Variants in HDAC4 observed in about 807,000 individuals in gnomAD.
The protein encoded by HDAC4 is histone deacetylase 4.
HDAC4 carries 16 observed loss-of-function variants against 135.1 expected under a neutral mutation model. The ratio of observed to expected loss-of-function variants is 0.12; its 90% CI spans 0.08 to 0.18. The LOEUF is 0.18. HDAC4 is among the 10% of genes least tolerant of loss of function. The pLI, the probability that HDAC4 is intolerant of heterozygous loss-of-function variation, is 1.00. For synonymous variants in HDAC4, 685 were observed against 653.4 expected, an observed-to-expected ratio of 1.05 and a Z score of -0.74; for missense variants, 1,143 against 1,511.8, an observed-to-expected ratio of 0.76 and a Z score of 4.05.
chr2:239,244,405 G>A (rs1409339343), intron 2 of HDAC4, among the ~76,000 whole-genome samples: 1 of 152,004 alleles, frequency 6.6e-6, no homozygotes, highest in Admixed American at 6.5e-5. Flanking sequence ...GCACCTCCTG[G>A]AGGGCGTGGT....
chr2:239,323,819 G>A (rs528770570), intron 2 of HDAC4, among the ~76,000 whole-genome samples: 8 of 152,186 alleles, frequency 5.3e-5, no homozygotes, highest in Admixed American at 1.3e-4. Flanking sequence ...GGGAAAAAAC[G>A]CTGCCACTCA....
chr2:239,243,355 T>C (rs1416521558), intron 2 of HDAC4, among the ~76,000 whole-genome samples: 1 of 152,130 alleles, frequency 6.6e-6, no homozygotes, highest in Non-Finnish European at 1.5e-5. Flanking sequence ...GGTTTCACCA[T>C]GTTAGCCAGG....
rs570504741 is a variant in HDAC4 at position 239,323,818 on chromosome 2, C to T, written c.22+28860G>A. 5.9e-5 allele frequency among the ~76,000 whole-genome samples: 9 copies of T among 152,260 alleles called. No homozygotes were observed. In the East Asian group the frequency reaches 1.2e-3, roughly 20 times the overall value. The stretch of plus-strand genomic sequence containing the variant: ...CCTGGGGGCCTGCACAGGGAAAAAA[C>T]GCTGCCACTCAAGCAGGCAGAAGCG... On this transcript the variant is annotated intron_variant, in intron 2 of 26. Transcript: ENST00000543185.
At chr2:239,053,220 G>A (rs1415735587) in intron 26 of HDAC4, 84 bp from the exon 27 acceptor site, 7 of 1,546,426 alleles carry the variant, frequency 4.5e-6, no homozygotes, top group African/African-American at 2.7e-5. Flanking sequence ...GTTAAAGGCT[G>A]TGTGCTGCCC....
At chr2:239,178,133 G>A (rs1050330577) in intron 4 of HDAC4, among the ~76,000 whole-genome samples, 10 of 152,090 alleles carry the variant, frequency 6.6e-5, no homozygotes, top group Admixed American at 5.9e-4. Flanking sequence ...GAAGTGCCAG[G>A]CCTCCACAGG....
chr2:239,162,697 G>A (rs3791518), intron 6 of HDAC4, among the ~76,000 whole-genome samples: 13,077 of 152,202 alleles, frequency 0.086, 633 homozygotes, highest in East Asian at 0.18. Flanking sequence ...AAATCCAGAC[G>A]GTGTGTCTGC....
At chr2:239,360,020 A>G (rs1225692817) in intron 1 of HDAC4, among the ~76,000 whole-genome samples, 1 of 152,146 alleles carries the variant, frequency 6.6e-6, no homozygotes, top group African/African-American at 2.4e-5. Context: ...TAGAAAATTG[A>G]CTTTGGATAA....
intron 1 of HDAC4, among the ~76,000 whole-genome samples, chr2:239,395,343 C>A (rs1015796996): frequency 2.0e-5 from 3 of 152,164 alleles, no homozygotes; most frequent in Admixed American, 1.3e-4. Flanking sequence ...CTGGTGGAAA[C>A]CTGGGAGACT....
rs988204394 is a variant in HDAC4 at position 239,139,021 on chromosome 2, A to G, written c.978+663T>C. ...TCCCCTGACTCCTCTCTAGCTTGCCAATGTCCCTCCCAGACTGTGGCACCA... is the reference window on the plus strand; with the variant it reads ...TCCCCTGACTCCTCTCTAGCTTGCCGATGTCCCTCCCAGACTGTGGCACCA... On this transcript the variant is annotated intron_variant, in intron 9 of 26. Coordinates refer to ENST00000543185, the MANE Select transcript of HDAC4 (RefSeq NM_001378414.1). This position sits in a 1 kb window ranked among gnomAD's most constrained non-coding sequence, Gnocchi z 5.3. Among the ~76,000 whole-genome samples, 2 of 152,080 alleles carry G rather than the reference A, an allele frequency of 1.3e-5. No homozygotes were observed. Among genetic ancestry groups the G allele is most frequent in the Non-Finnish European group, 2.9e-5 (2 of 68,008 alleles).
intron 12 of HDAC4, among the ~76,000 whole-genome samples, chr2:239,121,552 C>T (rs1379365253): frequency 2.0e-5 from 3 of 152,248 alleles, no homozygotes; most frequent in African/African-American, 7.2e-5. Flanking sequence ...GGCCGCATCT[C>T]TTTAGTGTCC....
chr2:239,321,247 C>T (rs1230976499), intron 2 of HDAC4, among the ~76,000 whole-genome samples: 3 of 152,090 alleles, frequency 2.0e-5, no homozygotes, highest in Non-Finnish European at 2.9e-5. Flanking sequence ...GGGCGGATCA[C>T]GAGGTCAGGA....
At chr2:239,074,055 G>GGGGAGCAGCAGGAC (rs2034485253) in intron 22 of HDAC4, among the ~76,000 whole-genome samples, 1 of 141,638 alleles carries the variant, frequency 7.1e-6, no homozygotes, top group African/African-American at 2.6e-5. Context: ...GCAGGACTGA[G>GGGGAGCAGCAGGAC]TGGGGAAGCA....
intron 22 of HDAC4, 32 bp downstream of exon 22, chr2:239,081,062 AC>A: frequency 6.7e-7 from 1 of 1,495,598 alleles, no homozygotes; most frequent in Non-Finnish European, 9.3e-7. Flanking sequence ...AAAAGCTGCT[AC>A]TTCAGGTGTC....
intron 24 of HDAC4, among the ~76,000 whole-genome samples, chr2:239,065,125 G>T (rs903239089): frequency 2.6e-5 from 4 of 152,202 alleles, no homozygotes; most frequent in African/African-American, 9.6e-5. Flanking sequence ...TCCATCGGGG[G>T]AGGCTTGCAC....
In HDAC4 at chr2:239,134,306, G is replaced by T; in HGVS notation, c.1233C>A (p.Ser411Arg). ...GTAAGACCATGTGCTGCAGAAGAGG[G>T]CTGTGCGCTGCCCCTCCGTCCCGCT... ...PLERDGGAAH[S>R]PLLQHMVLLE... The change falls in exon 11 of 27, where the codon AGC becomes AGA. Residue 411 changes from serine (S) to arginine (R), a missense_variant. Transcript: ENST00000543185. 1 of 1,613,700 alleles carries T rather than the reference G, an allele frequency of 6.2e-7. No individual in the cohort carries two copies. The highest frequency in any genetic ancestry group is 1.1e-5 in the South Asian group (1 of 91,088).
intron 5 of HDAC4, among the ~76,000 whole-genome samples, chr2:239,164,508 G>A (rs768715118): frequency 6.6e-6 from 1 of 152,214 alleles, no homozygotes; most frequent in Non-Finnish European, 1.5e-5. Context: ...GTTTTCTTCC[G>A]TGGCGGTGAT....
chr2:239,072,814 C>T (rs533985481), intron 22 of HDAC4, among the ~76,000 whole-genome samples: 12 of 152,294 alleles, frequency 7.9e-5, no homozygotes, highest in Non-Finnish European at 1.2e-4. Context: ...CGGGGATGAC[C>T]GCAGATCAGA....
chr2:239,064,086 C>T (rs1383897397), intron 24 of HDAC4, among the ~76,000 whole-genome samples: 7 of 152,168 alleles, frequency 4.6e-5, no homozygotes, highest in Non-Finnish European at 1.0e-4. Context: ...TGCCCCTCTC[C>T]CTCTAATGGC....
At chr2:239,350,678 A>G (rs1693082175) in intron 2 of HDAC4, among the ~76,000 whole-genome samples, 1 of 152,042 alleles carries the variant, frequency 6.6e-6, no homozygotes, top group Non-Finnish European at 1.5e-5. Context: ...TAATTTTTGT[A>G]TTTTTAGTAG....
Sources: gnomAD v4.1 joint callset for allele counts (sites outside exome capture counted in the v4.1 genomes callset) on GRCh38, gnomAD v4.1.1 for gene constraint, Gnocchi (gnomAD v3.1) non-coding constraint, MANE v1.5 for transcripts, NCBI Gene and HGNC (gene_info 2026-07-23, HGNC 2026-07-21) for gene names.